The following TTC7A variants were observed in gnomAD, a reference collection of about 807,000 sequenced individuals.
The protein encoded by TTC7A is tetratricopeptide repeat protein 7A.
Under a neutral mutation model 103.7 loss-of-function variants are expected in TTC7A, and 110 were observed. That is an observed-to-expected ratio of 1.06 (90% CI 0.91 to 1.24). TTC7A has a LOEUF of 1.24. Ranked by LOEUF, TTC7A falls within the 50% of genes most tolerant of loss-of-function variation. TTC7A has a pLI of 0.00. For synonymous variants in TTC7A, 521 were observed against 467.9 expected, an observed-to-expected ratio of 1.11 and a Z score of -1.47; for missense variants, 1,340 against 1,116.3, an observed-to-expected ratio of 1.20 and a Z score of -2.86.
intron 17 of TTC7A, among the ~76,000 whole-genome samples, chr2:47,051,204 A>C (rs550211928): frequency 5.9e-5 from 9 of 152,288 alleles, no homozygotes; most frequent in Admixed American, 5.9e-4. Context: ...AATCATTCCT[A>C]ATTTCACCAC....
At chr2:46,942,388 C>G (rs1226416774) in intron 1 of TTC7A, among the ~76,000 whole-genome samples, 1 of 152,136 alleles carries the variant, frequency 6.6e-6, no homozygotes, top group Non-Finnish European at 1.5e-5. Context: ...AAATCCTGTT[C>G]CTGGGGCCTT....
At chr2:46,924,315 A>G (rs1669276407) in intron 2 of TTC7A, among the ~76,000 whole-genome samples, 1 of 151,898 alleles carries the variant, frequency 6.6e-6, no homozygotes, top group African/African-American at 2.4e-5. Flanking sequence ...CAGCTCATCA[A>G]CATTCTTCCC....
At chr2:47,048,361 GA>G (rs1248023735) in intron 16 of TTC7A, among the ~76,000 whole-genome samples, 1 of 152,184 alleles carries the variant, frequency 6.6e-6, no homozygotes, top group East Asian at 1.9e-4. Flanking sequence ...CCCTTCACGG[GA>G]TGGGAGAAAG....
chr2:46,997,118 A>T (rs946059307), intron 8 of TTC7A, among the ~76,000 whole-genome samples: 1 of 151,986 alleles, frequency 6.6e-6, no homozygotes, highest in African/African-American at 2.4e-5. Flanking sequence ...GGCTTGGATT[A>T]CAGGTGCGCG....
At chr2:46,923,568 A>G (rs980024710) in intron 2 of TTC7A, among the ~76,000 whole-genome samples, 2 of 152,106 alleles carry the variant, frequency 1.3e-5, no homozygotes, top group Non-Finnish European at 2.9e-5. Context: ...TTTTAACACA[A>G]AATTTCTTCC....
At chr2:46,940,577 C>T (rs1572667018), upstream of TTC7A, among the ~76,000 whole-genome samples, 1 of 152,232 alleles carries the variant, frequency 6.6e-6, no homozygotes, top group East Asian at 1.9e-4. This position sits in a 1 kb window ranked among gnomAD's most constrained non-coding sequence, Gnocchi z 4.7. Flanking sequence ...AAATAAATAC[C>T]AAGGTGGTGA....
intron 18 of TTC7A, among the ~76,000 whole-genome samples, chr2:47,053,819 C>G (rs1476318029): frequency 6.6e-6 from 1 of 152,210 alleles, no homozygotes; most frequent in Non-Finnish European, 1.5e-5. Flanking sequence ...AGTGATCTGC[C>G]CGCCGTGGCC....
At chr2:47,010,006 C>T (rs1344182213) in intron 10 of TTC7A, among the ~76,000 whole-genome samples, 2 of 151,664 alleles carry the variant, frequency 1.3e-5, no homozygotes, top group Non-Finnish European at 2.9e-5. Context: ...TAGAGCCAGG[C>T]TACGTTCAAA....
intron 2 of TTC7A, 54 bp downstream of exon 2, chr2:46,950,580 G>C (rs868138750): frequency 1.3e-6 from 2 of 1,582,098 alleles, no homozygotes; most frequent in Middle Eastern, 1.7e-4. Flanking sequence ...GTCTTGCCTC[G>C]CATCTGTCCA....
At chr2:47,038,743 A>G (rs1044835830) in intron 15 of TTC7A, among the ~76,000 whole-genome samples, 1 of 148,712 alleles carries the variant, frequency 6.7e-6, no homozygotes, top group Non-Finnish European at 1.5e-5. Context: ...ACATGGGACC[A>G]GTAGCACCTG....
intron 10 of TTC7A, among the ~76,000 whole-genome samples, chr2:47,008,062 G>C (rs1440462927): frequency 6.6e-6 from 1 of 152,210 alleles, no homozygotes; most frequent in Non-Finnish European, 1.5e-5. Flanking sequence ...CGGTCAGCCT[G>C]GGGTAGTAGG....
chr2:46,994,259 C>A, intron 6 of TTC7A, 98 bp from the exon 7 acceptor site: 1 of 1,414,220 alleles, frequency 7.1e-7, no homozygotes, highest in South Asian at 1.4e-5. Context: ...ACATTGCAAG[C>A]GGGGCAGATT....
intron 3 of TTC7A, among the ~76,000 whole-genome samples, chr2:46,961,292 T>C (rs978243086): frequency 1.3e-5 from 2 of 152,166 alleles, no homozygotes; most frequent in African/African-American, 4.8e-5. Context: ...TTAAAAATAA[T>C]CAGGCCGGGC....
At chr2:47,046,837 G>A (rs1682376178) in intron 16 of TTC7A, 1 of 236,364 alleles carries the variant, frequency 4.2e-6, no homozygotes, top group African/African-American at 2.3e-5. Context: ...CGCCTGGTAA[G>A]TGGTAGTGCT....
intron 19 of TTC7A, among the ~76,000 whole-genome samples, chr2:47,071,425 G>A (rs1025141863): frequency 1.3e-5 from 2 of 152,036 alleles, no homozygotes; most frequent in East Asian, 1.9e-4. Context: ...CACTCCACCC[G>A]CTCCCCACCT....
chr2:47,003,526 AT>A lies in TTC7A; in HGVS notation c.1066-2392del, dbSNP rs1381212562. Among the ~76,000 whole-genome samples the A allele has an allele frequency of 2.6e-5, 4 of 152,028 alleles. No homozygotes were observed. In the East Asian group the frequency reaches 7.7e-4, roughly 29 times the overall value. On this transcript the variant is annotated intron_variant, in intron 8 of 19. Transcript: ENST00000319190. Reference sequence around the variant, plus strand: ...TAGGCTGCCCCAGAAAGGAGTTTAGATTTTATCCTGATGGCCATAGTGATGG... The same window carrying A: ...TAGGCTGCCCCAGAAAGGAGTTTAGATTTATCCTGATGGCCATAGTGATGG...
At position 46,934,787 on chromosome 2, in the gene TTC7A, C is replaced by CTTTTTT. The variant is rs1161003607; in HGVS notation, c.83-15549_83-15544dup. ...GGAATAAGGTATGAAGACTACTGCT[C>CTTTTTT]TTTTTTTTTTTTTTTTTTTTTTTTT... is the stretch of plus-strand genomic sequence containing the variant. On this transcript the variant is annotated intron_variant, in intron 2 of 20. Coordinates refer to the TTC7A transcript ENST00000409245. Among the ~76,000 whole-genome samples the CTTTTTT allele has an allele frequency of 1.2e-3, 80 of 66,908 alleles. 11 individuals are homozygous for CTTTTTT. The highest frequency in any genetic ancestry group is 4.5e-3 in the African/African-American group (70 of 15,418). 43.9% of individuals were successfully genotyped at this position (66,908 alleles called of 152,430 possible).
intron 8 of TTC7A, among the ~76,000 whole-genome samples, chr2:46,997,185 A>T (rs2104403677): frequency 6.6e-6 from 1 of 151,912 alleles, no homozygotes; most frequent in South Asian, 2.1e-4. Context: ...CACCATGTTG[A>T]CCAGGCCAGT....
At chr2:46,939,122 A>C (rs1182139994), upstream of TTC7A, among the ~76,000 whole-genome samples, 2 of 152,196 alleles carry the variant, frequency 1.3e-5, no homozygotes, top group African/African-American at 2.4e-5. Context: ...CAAACAAAAT[A>C]ATAAATTAAA....
Sources: allele counts gnomAD v4.1 joint callset (sites outside exome capture counted in the v4.1 genomes callset), GRCh38; gene constraint gnomAD v4.1.1; non-coding constraint Gnocchi (gnomAD v3.1); transcripts MANE v1.5; gene names NCBI Gene and HGNC (gene_info 2026-07-23, HGNC 2026-07-21).